Variants in MDN1 observed in about 807,000 individuals in gnomAD.
MDN1 encodes midasin.
MDN1 carries 266 observed loss-of-function variants against 669.2 expected under a neutral mutation model. The observed-to-expected ratio is 0.40, with a 90% CI of 0.36 to 0.44. MDN1 has a LOEUF of 0.44. MDN1 is among the 20% of genes least tolerant of loss of function. The probability of loss-of-function intolerance (pLI) is 1.00; values close to 1 mark genes in which losing one functional copy is unlikely to be tolerated. For missense variants in MDN1, 5,940 were observed against 6,754.0 expected (o/e 0.88, Z 4.22); for synonymous variants, 2,385 against 2,457.1 (o/e 0.97, Z 0.87).
chr6:89,771,743 C>T, intron 14 of MDN1, 122 bp from the exon 15 acceptor site: 1 of 826,802 alleles, frequency 1.2e-6, no homozygotes, highest in Admixed American at 2.5e-5. Context: ...GAGTCTTGTT[C>T]TGTCAACCAG....
chr6:89,761,245 T>C (rs1032948228), intron 17 of MDN1, among the ~76,000 whole-genome samples: 4 of 152,126 alleles, frequency 2.6e-5, no homozygotes, highest in Non-Finnish European at 5.9e-5. Flanking sequence ...ATATATTGCA[T>C]AGCATGGCGA....
chr6:89,662,199 C>T lies in MDN1; in HGVS notation c.14453G>A (p.Ser4818Asn). 4.3e-6 allele frequency: 7 copies of T among 1,613,708 alleles called. No individual in the cohort carries two copies. The highest frequency in any genetic ancestry group is 2.2e-5 in the East Asian group (1 of 44,880). The change falls in exon 87 of 102, where the codon AGT (serine) becomes AAT (asparagine). Residue 4818 changes from serine (S) to asparagine (N), a missense_variant. Ser to Asn is a conservative substitution (Grantham distance 46). This residue lies in a region of MDN1 where 2,280 missense variants were observed against 2,576.3 expected (regional missense o/e 0.88). Coordinates refer to ENST00000369393, the MANE Select transcript of MDN1 (RefSeq NM_014611.3). ...GCTTTTATCTTTGTTTGAATTGCCA[C>T]TATCCAAGTTGTCATCTTTAGCAAC... ...ELVAKDDNLD[S>N]GNSNKDKSQQ...
chr6:89,701,738 G>T, intron 54 of MDN1, 60 bp from the exon 55 acceptor site: 1 of 1,567,534 alleles, frequency 6.4e-7, no homozygotes, highest in Non-Finnish European at 8.6e-7. Flanking sequence ...TAGACAGTAA[G>T]AGAAGCCATT....
chr6:89,713,881 A>T (rs1814133433), intron 46 of MDN1, among the ~76,000 whole-genome samples: 1 of 151,720 alleles, frequency 6.6e-6, no homozygotes, highest in Non-Finnish European at 1.5e-5. Context: ...CTAAAAATAA[A>T]AAAAAAATTA....
intron 9 of MDN1, among the ~76,000 whole-genome samples, chr6:89,782,944 C>A (rs1356270068): frequency 1.3e-5 from 2 of 152,168 alleles, no homozygotes; most frequent in South Asian, 4.1e-4. Context: ...TGTCTTTAAT[C>A]TCTTAATCCT....
chr6:89,683,419 ATAATC>A, intron 72 of MDN1, 89 bp from the exon 73 acceptor site: 1 of 995,652 alleles, frequency 1.0e-6, no homozygotes, highest in African/African-American at 1.6e-5. Context: ...GCATCCATAC[ATAATC>A]TAATACCCTG....
In MDN1 at chr6:89,819,487, C is replaced by T; in HGVS notation, c.102+19G>A. ...CGACCCAGTCGTTCCGGCGCTTTCCCTCTCCCTTCACGTCTTACCTGCTTG... is the reference window on the plus strand; with the variant it reads ...CGACCCAGTCGTTCCGGCGCTTTCCTTCTCCCTTCACGTCTTACCTGCTTG... On this transcript the variant is annotated intron_variant, in intron 1 of 101. Transcript: ENST00000369393. 2 of 1,602,102 alleles carry T rather than the reference C, an allele frequency of 1.2e-6. No individual in the cohort carries two copies. The highest frequency in any genetic ancestry group is 1.1e-5 in the South Asian group (1 of 90,982).
intron 36 of MDN1, 73 bp downstream of exon 36, chr6:89,728,858 T>G: frequency 7.0e-7 from 1 of 1,429,736 alleles, no homozygotes; most frequent in Admixed American, 1.9e-5. Context: ...CATTTCTGAT[T>G]AGGCAAATAT....
intron 14 of MDN1, among the ~76,000 whole-genome samples, 190 bp downstream of exon 14, chr6:89,772,383 A>G (rs761626474): frequency 2.6e-5 from 4 of 152,234 alleles, no homozygotes; most frequent in Non-Finnish European, 4.4e-5. Flanking sequence ...ATGTATTTGC[A>G]TAAGCATAGA....
At position 89,664,471 on chromosome 6, in the gene MDN1, A is replaced by G; in HGVS notation, c.14236+16T>C. 6.2e-7 allele frequency: 1 copy of G among 1,611,980 alleles called. No individual in the cohort carries two copies. Among genetic ancestry groups the G allele is most frequent in the African/African-American group, 1.3e-5 (1 of 74,916 alleles). On this transcript the variant is annotated intron_variant, in intron 85 of 101. Transcript: ENST00000369393. ...TGCTTTCAAAAACAAGAATGAAGTG[A>G]CAGATAATCTGAAACCTTGTTCTTC...
intron 88 of MDN1, among the ~76,000 whole-genome samples, chr6:89,659,643 C>T (rs568732518): frequency 6.6e-6 from 1 of 152,034 alleles, no homozygotes; most frequent in African/African-American, 2.4e-5. Context: ...CCAAAAAAAC[C>T]CCCATAAACA....
intron 23 of MDN1, 124 bp downstream of exon 23, chr6:89,751,307 G>A: frequency 8.1e-7 from 1 of 1,238,718 alleles, no homozygotes; most frequent in Non-Finnish European, 1.1e-6. Context: ...ACTTTTGTAA[G>A]TAATTGTTCA....
chr6:89,711,692 AC>A (rs1176208349), intron 49 of MDN1, among the ~76,000 whole-genome samples: 3 of 152,180 alleles, frequency 2.0e-5, no homozygotes, highest in Non-Finnish European at 4.4e-5. Flanking sequence ...CAAAACTAAT[AC>A]CTTTCCCATA....
At chr6:89,681,788 C>G (rs546057484) in intron 73 of MDN1, among the ~76,000 whole-genome samples, 1 of 152,210 alleles carries the variant, frequency 6.6e-6, no homozygotes, top group African/African-American at 2.4e-5. Flanking sequence ...GTAGGAAATA[C>G]AGTAAGAAGA....
intron 92 of MDN1, among the ~76,000 whole-genome samples, chr6:89,655,304 G>T (rs1281113436): frequency 6.6e-6 from 1 of 152,144 alleles, no homozygotes; most frequent in East Asian, 1.9e-4. Flanking sequence ...TTGCACTTAT[G>T]GAGAAAACAC....
Position 89,674,605 on chromosome 6 carries a change from C to A in MDN1, c.12762-16G>T. 1 of 1,512,844 alleles carries A rather than the reference C, an allele frequency of 6.6e-7. No homozygotes were observed. Among genetic ancestry groups the A allele is most frequent in the South Asian group, 1.3e-5 (1 of 78,018 alleles). The allele number at this position is 1,512,844 out of a possible 1,614,324, so 93.7% of individuals were successfully genotyped here. A position where few individuals can be genotyped will look rare whatever the true frequency, so the allele number is the denominator to read the frequency against. On this transcript the variant is annotated splice_polypyrimidine_tract_variant and intron_variant, in intron 78 of 101. Coordinates refer to ENST00000369393, the MANE Select transcript of MDN1 (RefSeq NM_014611.3). Reference sequence around the variant, plus strand: ...GAGGAGGTTCCTGTACAGAGAAACCCATGGGAAAAACACAATGAATGGCAC... The same window carrying A: ...GAGGAGGTTCCTGTACAGAGAAACCAATGGGAAAAACACAATGAATGGCAC...
In MDN1 at chr6:89,781,536, A is replaced by T. The variant is rs376746347; in HGVS notation, c.1506T>A (p.Ile502=). Residue 502 remains isoleucine, a synonymous_variant, in exon 10 of 102, where the codon ATT becomes ATA. Coordinates refer to ENST00000369393, the MANE Select transcript of MDN1 (RefSeq NM_014611.3). ...GTTTCTCTCCAGTAAGTTGGATATA[A>T]ATGTCAAGCAGGTGATCAACCACTG... ...LLAVVDHLLD[I]YIQLTGEKHH... is the part of the protein sequence containing the mutation. 436 of 1,613,668 alleles carry T rather than the reference A, an allele frequency of 2.7e-4. No homozygotes were observed. Among genetic ancestry groups the T allele is most frequent in the Non-Finnish European group, 3.4e-4 (404 of 1,179,738 alleles).
In MDN1 at chr6:89,790,401, C is replaced by G. The variant is rs1819194390; in HGVS notation, c.856G>C (p.Gly286Arg). The G allele has an allele frequency of 6.2e-7, 1 of 1,613,336 alleles. No homozygotes were observed. Among genetic ancestry groups the G allele is most frequent in the Non-Finnish European group, 8.5e-7 (1 of 1,179,916 alleles). Residue 286 changes from glycine (G) to arginine (R), a missense_variant and splice_region_variant, in exon 6 of 102, where the codon GGT becomes CGT. Around this residue, in one of 5 missense-constraint regions of MDN1, gnomAD observed 1,203 missense variants for 1,268.9 expected, o/e 0.95. Transcript: ENST00000369393. ...TCACGTGAAGAACTCCTATTACCAC[C>G]CTAAAGAGGCAAGACAAAAGCCATG... ...PGQLPAPGEL[G>R]GNRSSSREQE...
At chr6:89,655,684 T>A (rs1809215898) in intron 92 of MDN1, 80 bp downstream of exon 92, 2 of 1,266,412 alleles carry the variant, frequency 1.6e-6, no homozygotes, top group Middle Eastern at 2.7e-4. Flanking sequence ...CACAAATACG[T>A]ATCATTATTA....
Sources: gnomAD v4.1 joint callset for allele counts (sites outside exome capture counted in the v4.1 genomes callset) on GRCh38, gnomAD v4.1.1 for gene constraint, gnomAD v4.1.1 regional missense constraint, MANE v1.5 for transcripts, NCBI Gene and HGNC (gene_info 2026-07-23, HGNC 2026-07-21) for gene names.